The following EGF variants were observed in gnomAD, a reference collection of about 807,000 sequenced individuals.
The protein encoded by EGF is epidermal growth factor.
Under a neutral mutation model 143.8 loss-of-function variants are expected in EGF, and 95 were observed. The observed-to-expected ratio is 0.66, with a 90% CI of 0.56 to 0.78. The LOEUF is 0.78. Ranked by LOEUF, EGF falls within the 30% of genes least tolerant of loss-of-function variation. EGF has a pLI of 0.00. For synonymous variants in EGF, 510 were observed against 510.5 expected, an observed-to-expected ratio of 1.00 and a Z score of 0.01; for missense variants, 1,320 against 1,470.9, an observed-to-expected ratio of 0.90 and a Z score of 1.68.
intron 1 of EGF, among the ~76,000 whole-genome samples, chr4:109,925,373 T>C (rs1189157829): frequency 6.6e-6 from 1 of 152,252 alleles, no homozygotes; most frequent in East Asian, 1.9e-4. Context: ...ATGGTTGTTT[T>C]CTAGAAAGTA....
At chr4:110,010,255 T>C (rs1753828861) in intron 23 of EGF, among the ~76,000 whole-genome samples, 1 of 151,920 alleles carries the variant, frequency 6.6e-6, no homozygotes, top group Non-Finnish European at 1.5e-5. Context: ...AAAACAAAGA[T>C]AGAGACTCCA....
At chr4:109,953,213 T>C (rs1744228670) in intron 5 of EGF, among the ~76,000 whole-genome samples, 1 of 152,208 alleles carries the variant, frequency 6.6e-6, no homozygotes, top group Non-Finnish European at 1.5e-5. Flanking sequence ...TTCTTATTCT[T>C]TTTTGTGATG....
chr4:110,008,187 T>A lies in EGF; in HGVS notation c.3327T>A (p.Asn1109Lys). ...TAAAAGAACACCAAGACCTCAAGAA[T>A]GGGGGTCAACCAGTGGCTGGTGAGG... ...VVIKEHQDLK[N>K]GGQPVAGEDG... is the part of the protein sequence containing the mutation. The change falls in exon 23 of 24, where the codon AAT becomes AAA. Residue 1109 changes from asparagine (N) to lysine (K), a missense_variant. Transcript: ENST00000265171. The A allele has an allele frequency of 6.2e-7, 1 of 1,614,058 alleles. No individual in the cohort carries two copies. The highest frequency in any genetic ancestry group is 8.5e-7 in the Non-Finnish European group (1 of 1,179,948).
chr4:109,919,342 A>ATC (rs1426945677), intron 1 of EGF, among the ~76,000 whole-genome samples: 11 of 50,602 alleles, frequency 2.2e-4, no homozygotes, highest in Non-Finnish European at 4.5e-4. Context: ...TCTCTCTCTC[A>ATC]TCTCTCTCTC....
chr4:109,972,407 C>A (rs530744490), intron 11 of EGF, among the ~76,000 whole-genome samples: 1 of 152,062 alleles, frequency 6.6e-6, no homozygotes, highest in African/African-American at 2.4e-5. Flanking sequence ...TAATTCCTGC[C>A]CGAAACAGAA....
chr4:109,944,950 A>G (rs949255664), intron 4 of EGF, 123 bp from the exon 5 acceptor site: 3 of 1,016,776 alleles, frequency 3.0e-6, no homozygotes, highest in Admixed American at 4.1e-5. Flanking sequence ...CTAAACATAA[A>G]TGAGAAACAA....
At chr4:110,001,087 T>TTA (rs1752514875) in intron 21 of EGF, among the ~76,000 whole-genome samples, 2 of 152,236 alleles carry the variant, frequency 1.3e-5, no homozygotes, top group African/African-American at 4.8e-5. Flanking sequence ...GCACAGGCTC[T>TTA]GGAATCAGAT....
intron 12 of EGF, among the ~76,000 whole-genome samples, chr4:109,975,588 C>T (rs974585518): frequency 1.3e-5 from 2 of 152,228 alleles, no homozygotes; most frequent in Non-Finnish European, 2.9e-5. Context: ...TATGATCTTT[C>T]CTTTATGTTG....
At chr4:110,005,131 G>A (rs1191234362) in intron 22 of EGF, among the ~76,000 whole-genome samples, 1 of 131,684 alleles carries the variant, frequency 7.6e-6, no homozygotes, top group Non-Finnish European at 1.5e-5. Context: ...CTGCAGCCTC[G>A]AACTCCTGGG....
intron 6 of EGF, among the ~76,000 whole-genome samples, chr4:109,959,776 T>C (rs1745394788): frequency 6.6e-6 from 1 of 152,010 alleles, no homozygotes; most frequent in South Asian, 2.1e-4. Flanking sequence ...TGTGTACATT[T>C]TTAGGGGAGT....
chr4:109,935,355 G>A (rs999571825), intron 1 of EGF, among the ~76,000 whole-genome samples: 1 of 151,182 alleles, frequency 6.6e-6, no homozygotes, highest in East Asian at 1.9e-4. Flanking sequence ...TGATTTGGCT[G>A]TCTGTTATTG....
At chr4:109,940,789 C>T in intron 1 of EGF, 157 bp from the exon 2 acceptor site, 1 of 712,230 alleles carries the variant, frequency 1.4e-6, no homozygotes, top group Middle Eastern at 4.0e-4. Flanking sequence ...TGAATATCTA[C>T]AGGAACTCTT....
chr4:110,011,896 A>T lies in EGF; in HGVS notation c.*441A>T. 4.4e-6 allele frequency: 1 copy of T among 227,284 alleles called. No individual in the cohort carries two copies. The allele number at this position is 227,284 out of a possible 1,614,324, so 14.1% of individuals were successfully genotyped here. A position where few individuals can be genotyped will look rare whatever the true frequency, so the allele number is the denominator to read the frequency against. On this transcript the variant is annotated 3_prime_UTR_variant, in exon 24 of 24. Transcript: ENST00000265171. Reference sequence around the variant, plus strand: ...TTTCATGAAATGATTGGAATATTACAATACCGTTAAGATACAGTGTAGGCA... The same window carrying T: ...TTTCATGAAATGATTGGAATATTACTATACCGTTAAGATACAGTGTAGGCA...
chr4:109,945,692 A>C (rs1387791615), intron 5 of EGF, among the ~76,000 whole-genome samples: 1 of 152,260 alleles, frequency 6.6e-6, no homozygotes, highest in Non-Finnish European at 1.5e-5. Context: ...TTTAAATGCC[A>C]GTTTATATAG....
chr4:109,933,428 T>C (rs913482150), intron 1 of EGF, among the ~76,000 whole-genome samples: 5 of 151,994 alleles, frequency 3.3e-5, no homozygotes, highest in African/African-American at 1.2e-4. Context: ...TTTTTTCTTT[T>C]TTTTTTTTTT....
rs60044556 is a variant in EGF, at chr4:109,967,311, C to A, written c.1576-1660C>A. ...ATTGAATAAGATATCCTTTTCCCAA[C>A]GTATATTTTTGTGGACTTTGTCAAA... On this transcript the variant is annotated intron_variant, in intron 10 of 23. Coordinates refer to ENST00000265171, the MANE Select transcript of EGF (RefSeq NM_001963.6). Among the ~76,000 whole-genome samples, 1,318 of 152,182 alleles carry A rather than the reference C, an allele frequency of 8.7e-3. 17 individuals are homozygous for A. Among genetic ancestry groups the A allele is most frequent in the African/African-American group, 0.03 (1,236 of 41,552 alleles).
rs773605241 is a variant in EGF, at chr4:109,975,781, ATC to A, written c.1830-229_1830-228del. Among the ~76,000 whole-genome samples the A allele has an allele frequency of 6.6e-5, 10 of 152,320 alleles. No homozygotes were observed. In the East Asian group the frequency reaches 1.7e-3, roughly 26 times the overall value. ...AACCAATTTCTTTTTTAATCTAATG[ATC>A]TGAGCTTTAATTCAACATTTCTTTT... On this transcript the variant is annotated intron_variant, in intron 12 of 23. Coordinates refer to ENST00000265171, the MANE Select transcript of EGF (RefSeq NM_001963.6).
At chr4:109,970,945 G>A (rs1747549680) in intron 11 of EGF, among the ~76,000 whole-genome samples, 1 of 149,206 alleles carries the variant, frequency 6.7e-6, no homozygotes, top group Non-Finnish European at 1.5e-5. Flanking sequence ...TCATTCATTT[G>A]TTCATCTAAT....
intron 1 of EGF, among the ~76,000 whole-genome samples, chr4:109,923,549 C>T (rs1196060758): frequency 6.6e-6 from 1 of 151,478 alleles, no homozygotes; most frequent in East Asian, 1.9e-4. Context: ...TGTTTAGTGT[C>T]ACTTAGGGGG....
Sources: gnomAD v4.1 joint callset for allele counts (sites outside exome capture counted in the v4.1 genomes callset) on GRCh38, gnomAD v4.1.1 for gene constraint, MANE v1.5 for transcripts, NCBI Gene and HGNC (gene_info 2026-07-23, HGNC 2026-07-21) for gene names.